Variants in WWOX observed in about 807,000 individuals in gnomAD.
WWOX encodes the protein WW domain-containing oxidoreductase.
Under a neutral mutation model 46.2 loss-of-function variants are expected in WWOX, and 69 were observed. That is an observed-to-expected ratio of 1.49 (90% CI 1.23 to 1.82). WWOX has a LOEUF of 1.82. WWOX is among the 40% of genes most tolerant of loss of function. The pLI is 0.00. For synonymous variants in WWOX, 359 were observed against 202.6 expected (o/e 1.77, Z -6.56); for missense variants, 919 against 542.6 (o/e 1.69, Z -6.89).
intron 8 of WWOX, among the ~76,000 whole-genome samples, chr16:79,019,312 C>G (rs1400628304): frequency 6.6e-6 from 1 of 151,908 alleles, no homozygotes; most frequent in East Asian, 1.9e-4. Flanking sequence ...CGTACACAAA[C>G]CTAGATGGTG....
At chr16:79,149,709 CCA>C (rs2050242092) in intron 8 of WWOX, among the ~76,000 whole-genome samples, 1 of 152,204 alleles carries the variant, frequency 6.6e-6, no homozygotes, top group African/African-American at 2.4e-5. Flanking sequence ...TGGCATTCTG[CCA>C]CAGACTACAT....
At chr16:78,690,890 G>C (rs149901128) in intron 8 of WWOX, among the ~76,000 whole-genome samples, 2 of 152,076 alleles carry the variant, frequency 1.3e-5, no homozygotes, top group Non-Finnish European at 2.9e-5. Context: ...CAATACCTGG[G>C]GGTTTTCAAA....
At chr16:79,031,810 AATATATATAATCTATATATGATAT>A (rs1222509387) in intron 8 of WWOX, among the ~76,000 whole-genome samples, 3 of 135,888 alleles carry the variant, frequency 2.2e-5, no homozygotes, top group African/African-American at 7.7e-5. Flanking sequence ...ATATCTATAT[AATATATATAATCTATATATGATAT>A]ATATATCTTA....
chr16:78,869,109 T>C (rs1056996905), intron 8 of WWOX, among the ~76,000 whole-genome samples: 2 of 152,230 alleles, frequency 1.3e-5, no homozygotes, highest in Admixed American at 1.3e-4. Flanking sequence ...TACATTAGTT[T>C]AGAATGAAAT....
intron 8 of WWOX, among the ~76,000 whole-genome samples, chr16:78,968,348 T>C (rs970193536): frequency 1.3e-5 from 2 of 152,198 alleles, no homozygotes; most frequent in African/African-American, 4.8e-5. Flanking sequence ...AACCATGTGC[T>C]CTGAGCCCTG....
chr16:79,163,911 C>T (rs2050539782), intron 8 of WWOX, among the ~76,000 whole-genome samples: 1 of 144,408 alleles, frequency 6.9e-6, no homozygotes, highest in South Asian at 2.2e-4. Flanking sequence ...ACTGATCTGG[C>T]TGTATCTGTC....
intron 8 of WWOX, among the ~76,000 whole-genome samples, chr16:78,917,578 A>G (rs757957706): frequency 9.2e-5 from 14 of 152,018 alleles, no homozygotes; most frequent in Non-Finnish European, 1.8e-4. Flanking sequence ...CACTGCCACA[A>G]TCAAACATAT....
At chr16:78,643,912 T>C (rs148494573) in intron 8 of WWOX, among the ~76,000 whole-genome samples, 192 of 152,126 alleles carry the variant, frequency 1.3e-3, no homozygotes, top group African/African-American at 4.5e-3. Context: ...GATGATACTT[T>C]ATTAAAACAA....
chr16:78,276,195 A>G (rs376305339), intron 5 of WWOX, among the ~76,000 whole-genome samples: 1 of 151,784 alleles, frequency 6.6e-6, no homozygotes, highest in African/African-American at 2.4e-5. Flanking sequence ...GAGCTGGCTA[A>G]CCTCCTTCCT....
intron 8 of WWOX, among the ~76,000 whole-genome samples, chr16:78,696,366 T>C (rs905170484): frequency 5.3e-5 from 8 of 152,210 alleles, no homozygotes; most frequent in African/African-American, 1.9e-4. Context: ...TCAGACTCTA[T>C]AGACAGTCCC....
intron 5 of WWOX, among the ~76,000 whole-genome samples, chr16:78,221,018 C>A (rs1212752206): frequency 6.6e-6 from 1 of 152,068 alleles, no homozygotes; most frequent in African/African-American, 2.4e-5. Context: ...TTTCTCTTAT[C>A]CAAATGTATC....
At chr16:78,934,213 C>G (rs913531586) in intron 8 of WWOX, among the ~76,000 whole-genome samples, 8 of 151,550 alleles carry the variant, frequency 5.3e-5, no homozygotes, top group African/African-American at 1.7e-4. Flanking sequence ...TGGCACATCC[C>G]TGTAATCCCA....
intron 8 of WWOX, among the ~76,000 whole-genome samples, chr16:79,042,701 T>C (rs2047994585): frequency 6.6e-6 from 1 of 150,700 alleles, no homozygotes; most frequent in Admixed American, 6.6e-5. Flanking sequence ...CAGGAAGACT[T>C]TGTGGGAAGA....
At chr16:78,107,702 G>A (rs1338224225) in intron 1 of WWOX, among the ~76,000 whole-genome samples, 1 of 152,144 alleles carries the variant, frequency 6.6e-6, no homozygotes, top group Non-Finnish European at 1.5e-5. Flanking sequence ...GGGCAAGGTG[G>A]CACGGGCTTC....
At position 79,212,553 on chromosome 16, in the gene WWOX, AGTTAATCCCTT is replaced by A; in HGVS notation, c.*758_*768del. On this transcript the variant is annotated 3_prime_UTR_variant, in exon 9 of 9. Transcript: ENST00000566780. ...TTTGGGGGGCAGAGAATAAAACGTT[AGTTAATCCCTT>A]TGTCTGTCAATCACAGTCTCAGTTC... The A allele has an allele frequency of 5.9e-6, 1 of 168,306 alleles. No homozygotes were observed. The highest frequency in any genetic ancestry group is 1.3e-5 in the Non-Finnish European group (1 of 76,404). The allele number at this position is 168,306 out of a possible 1,614,324, so 10.4% of individuals were successfully genotyped here.
intron 8 of WWOX, among the ~76,000 whole-genome samples, chr16:79,092,850 C>G (rs1048488445): frequency 8.5e-5 from 13 of 152,184 alleles, no homozygotes; most frequent in Non-Finnish European, 1.9e-4. Context: ...CCCCTCAGCC[C>G]TCATAACCCC....
At chr16:79,174,713 G>A (rs1440917380) in intron 8 of WWOX, among the ~76,000 whole-genome samples, 2 of 152,166 alleles carry the variant, frequency 1.3e-5, no homozygotes, top group Admixed American at 1.3e-4. Flanking sequence ...GCACTGAGGT[G>A]AAATGAAGCC....
chr16:78,395,968 G>T (rs1251866912), intron 6 of WWOX, among the ~76,000 whole-genome samples: 3 of 152,056 alleles, frequency 2.0e-5, no homozygotes, highest in Admixed American at 6.6e-5. Context: ...GGATAAGTGA[G>T]GTACAGCAGG....
At chr16:78,600,489 TCCGTGGGTTAA>T (rs1230464601) in intron 8 of WWOX, among the ~76,000 whole-genome samples, 1 of 152,034 alleles carries the variant, frequency 6.6e-6, no homozygotes, top group Non-Finnish European at 1.5e-5. Flanking sequence ...CCCCCAACCC[TCCGTGGGTTAA>T]AGCATCCATG....
Sources: gnomAD v4.1 joint callset for allele counts (sites outside exome capture counted in the v4.1 genomes callset) on GRCh38, gnomAD v4.1.1 for gene constraint, MANE v1.5 for transcripts, NCBI Gene and HGNC (gene_info 2026-07-23, HGNC 2026-07-21) for gene names.